Variants in APC observed in about 807,000 individuals in gnomAD.
The protein encoded by APC is adenomatous polyposis coli protein.
Under a neutral mutation model 247.0 loss-of-function variants are expected in APC, and 72 were observed. The observed-to-expected ratio is 0.29, with a 90% CI of 0.24 to 0.35. The LOEUF (loss-of-function observed/expected upper bound fraction) is 0.35, where lower values mean the gene tolerates loss of function less well. Ranked by LOEUF, APC falls within the 10% of genes least tolerant of loss-of-function variation. The pLI is 1.00. For synonymous variants in APC, 1,254 were observed against 1,162.5 expected, an observed-to-expected ratio of 1.08 and a Z score of -1.60; for missense variants, 3,400 against 3,360.7, an observed-to-expected ratio of 1.01 and a Z score of -0.29.
rs1388355666 is a variant in APC at position 112,833,962 on chromosome 5, T to A, written c.1744-989T>A. 2.7e-5 allele frequency among the ~76,000 whole-genome samples: 4 copies of A among 149,118 alleles called. No individual in the cohort carries two copies. In the East Asian group the frequency reaches 7.8e-4, roughly 29 times the overall value. ...TACAGAATTTTAAAAATCTACTTTC[T>A]TTTTTTTTTGAGACAGGGTCTCACT... On this transcript the variant is annotated intron_variant, in intron 14 of 15. Transcript: ENST00000257430.
In APC at chr5:112,843,846, C is replaced by T. The variant is rs1441515372; in HGVS notation, c.8252C>T (p.Thr2751Ile). ...GQNNPVPVSE[T>I]NESSIVERTP... ...AATAATCCTGTCCCTGTATCAGAGACTAATGAAAGTTCTATAGTGGAACGT... is the reference window on the plus strand; with the variant it reads ...AATAATCCTGTCCCTGTATCAGAGATTAATGAAAGTTCTATAGTGGAACGT... Residue 2751 changes from threonine to isoleucine, a missense_variant, in exon 16 of 16, where the codon ACT becomes ATT. This residue lies in a region of APC where 1,788 missense variants were observed against 1,649.5 expected (regional missense o/e 1.08). Transcript: ENST00000257430. This position sits in a 1 kb window ranked among gnomAD's most constrained non-coding sequence, Gnocchi z 4.8. 6.2e-7 allele frequency: 1 copy of T among 1,614,076 alleles called. No individual in the cohort carries two copies. The highest frequency in any genetic ancestry group is 1.3e-5 in the African/African-American group (1 of 75,036).
At chr5:112,826,870 T>G (rs1000482249) in intron 11 of APC, among the ~76,000 whole-genome samples, 32 of 152,144 alleles carry the variant, frequency 2.1e-4, no homozygotes, top group African/African-American at 7.2e-4. Context: ...CTCAGCAAGA[T>G]AAGGGGCTGG....
At chr5:112,789,781 A>G (rs986366624) in intron 6 of APC, among the ~76,000 whole-genome samples, 3 of 152,226 alleles carry the variant, frequency 2.0e-5, no homozygotes, top group Non-Finnish European at 2.9e-5. Context: ...TTAGAAAACT[A>G]GCAAAAGTAC....
intron 2 of APC, among the ~76,000 whole-genome samples, chr5:112,757,919 T>C (rs1755175988): frequency 6.6e-6 from 1 of 152,148 alleles, no homozygotes; most frequent in South Asian, 2.1e-4. Context: ...AATGATATTA[T>C]TGTGTTTGTG....
chr5:112,765,158 G>A (rs1581155951), intron 2 of APC, among the ~76,000 whole-genome samples: 1 of 152,304 alleles, frequency 6.6e-6, no homozygotes, highest in East Asian at 1.9e-4. Flanking sequence ...AGGCTGGAGT[G>A]CAGTGGTGAG....
intron 1 of APC, among the ~76,000 whole-genome samples, chr5:112,747,148 GGGT>G (rs1395471396): frequency 6.6e-6 from 1 of 152,148 alleles, no homozygotes; most frequent in Non-Finnish European, 1.5e-5. Context: ...ATTCGATGTG[GGGT>G]GGTGGTGGTC....
chr5:112,743,717 C>T (rs1753301678), intron 1 of APC, among the ~76,000 whole-genome samples: 2 of 152,158 alleles, frequency 1.3e-5, no homozygotes, highest in South Asian at 4.1e-4. Context: ...CTCGTTATAA[C>T]ACCAGTTCTG....
At chr5:112,774,464 A>AT (rs35554771) in intron 4 of APC, among the ~76,000 whole-genome samples, 6,504 of 121,254 alleles carry the variant, frequency 0.054, 294 homozygotes, top group Middle Eastern at 0.14. Context: ...TGCAAGATCG[A>AT]TTTTTTTTTT....
rs577233315 is a variant in APC, at chr5:112,820,144, TA to T, written c.1312+801del. Among the ~76,000 whole-genome samples, 65 of 151,908 alleles carry T rather than the reference TA, an allele frequency of 4.3e-4. 1 individual carries two copies. Among genetic ancestry groups the T allele is most frequent in the African/African-American group, 1.6e-3 (65 of 41,382 alleles). ...GTAGCCAAGAACCAAAAGCAGTAAG[TA>T]TGTAAGGTAAGACCTTCCTTTCACC... On this transcript the variant is annotated intron_variant, in intron 10 of 15. Coordinates refer to ENST00000257430, the MANE Select transcript of APC (RefSeq NM_000038.6).
intron 7 of APC, among the ~76,000 whole-genome samples, chr5:112,799,540 C>G (rs572201153): frequency 6.6e-6 from 1 of 152,212 alleles, no homozygotes; most frequent in African/African-American, 2.4e-5. Context: ...CCTAACTGGT[C>G]TTTCCTATGT....
At chr5:112,760,293 G>A (rs1259009551) in intron 2 of APC, among the ~76,000 whole-genome samples, 1 of 152,154 alleles carries the variant, frequency 6.6e-6, no homozygotes, top group African/African-American at 2.4e-5. Flanking sequence ...TAAATGCATG[G>A]CTCATTTTTA....
Position 112,843,806 on chromosome 5 carries a change from A to T in APC, c.8212A>T (p.Ile2738Leu), listed in dbSNP as rs876658839. Residue 2738 changes from isoleucine (I) to leucine (L), a missense_variant, in exon 16 of 16, where the codon ATA (isoleucine) becomes TTA (leucine). Transcript: ENST00000257430. This position sits in a 1 kb window ranked among gnomAD's most constrained non-coding sequence, Gnocchi z 4.8. ...VDAPDQKGTE[I>L]KPGQNNPVPV... ...TGCCCCTGACCAAAAAGGAACTGAG[A>T]TAAAACCAGGACAAAATAATCCTGT... The T allele has an allele frequency of 2.5e-6, 4 of 1,614,130 alleles. No homozygotes were observed. The South Asian group carries it at 4.4e-5, about 18-fold the overall frequency.
intron 1 of APC, among the ~76,000 whole-genome samples, chr5:112,717,908 C>CTTTTTCTT (rs1751264440): frequency 2.0e-4 from 8 of 40,636 alleles, no homozygotes; most frequent in Non-Finnish European, 2.7e-4. Flanking sequence ...TTTTCTTTTT[C>CTTTTTCTT]TTTTTTTTTT....
chr5:112,785,410 C>T (rs1040954853), intron 6 of APC, among the ~76,000 whole-genome samples: 1 of 152,018 alleles, frequency 6.6e-6, no homozygotes, highest in Admixed American at 6.5e-5. Flanking sequence ...AGGACCTGTT[C>T]ACAGTAACAG....
intron 8 of APC, among the ~76,000 whole-genome samples, chr5:112,810,699 C>A (rs1159181030): frequency 6.6e-6 from 1 of 152,112 alleles, no homozygotes; most frequent in Non-Finnish European, 1.5e-5. Context: ...AAGTGCAGGG[C>A]AAAGCTGTTA....
intron 4 of APC, among the ~76,000 whole-genome samples, chr5:112,771,277 C>T (rs1339301385): frequency 2.0e-5 from 3 of 151,994 alleles, no homozygotes; most frequent in Non-Finnish European, 4.4e-5. Context: ...GAAACTTGTG[C>T]CTTTATGATA....
upstream of APC, chr5:112,737,721 C>A: frequency 3.7e-6 from 2 of 539,184 alleles, no homozygotes; most frequent in Non-Finnish European, 4.7e-6. Flanking sequence ...GGGCCCTGTG[C>A]CCCACTGCGG....
chr5:112,764,698 G>A (rs948919813), intron 2 of APC, among the ~76,000 whole-genome samples: 1 of 152,156 alleles, frequency 6.6e-6, no homozygotes, highest in Non-Finnish European at 1.5e-5. Context: ...CTGCTCAAGG[G>A]TAGTTGTTGA....
chr5:112,787,463 C>G (rs1009528257), intron 6 of APC, among the ~76,000 whole-genome samples: 1 of 152,070 alleles, frequency 6.6e-6, no homozygotes, highest in Non-Finnish European at 1.5e-5. Context: ...TATGTCTTCT[C>G]CATCACTTGT....
Sources: gnomAD v4.1 joint callset for allele counts (sites outside exome capture counted in the v4.1 genomes callset) on GRCh38, gnomAD v4.1.1 for gene constraint, gnomAD v4.1.1 regional missense constraint, Gnocchi (gnomAD v3.1) non-coding constraint, MANE v1.5 for transcripts, NCBI Gene and HGNC (gene_info 2026-07-23, HGNC 2026-07-21) for gene names.